LIN9: variants seen among roughly 807,000 people sequenced by gnomAD.
The protein encoded by LIN9 is protein lin-9 homolog.
In LIN9, 18 loss-of-function variants were observed where a neutral mutation model predicts 78.0. The ratio of observed to expected loss-of-function variants is 0.23; its 90% CI spans 0.16 to 0.34. LIN9 has a LOEUF of 0.34. Among genes scored for constraint, LIN9 ranks in the 10% least tolerant of loss-of-function variants. The probability of loss-of-function intolerance (pLI) is 1.00; values close to 1 mark genes in which losing one functional copy is unlikely to be tolerated. For missense variants in LIN9, 451 were observed against 644.1 expected (o/e 0.70, Z 3.25); for synonymous variants, 192 against 215.2 (o/e 0.89, Z 0.94).
intron 3 of LIN9, 22 bp downstream of exon 3, chr1:226,297,697 G>A: frequency 8.2e-6 from 12 of 1,464,696 alleles, no homozygotes; most frequent in South Asian, 1.3e-5. Flanking sequence ...ATTCTAAAAT[G>A]TAAGAAAAAC....
chr1:226,302,547 C>CA (rs750572116), intron 1 of LIN9, among the ~76,000 whole-genome samples: 21,654 of 78,508 alleles, frequency 0.28, 1,793 homozygotes, highest in South Asian at 0.38. Context: ...ACTCCATGTC[C>CA]AAAAAAAAAA....
intron 1 of LIN9, among the ~76,000 whole-genome samples, chr1:226,308,420 T>C (rs1193596288): frequency 6.6e-6 from 1 of 151,982 alleles, no homozygotes; most frequent in Non-Finnish European, 1.5e-5. Context: ...TTAAGACACA[T>C]ATAGAATAAA....
intron 4 of LIN9, among the ~76,000 whole-genome samples, chr1:226,294,418 T>A (rs1219344133): frequency 1.3e-5 from 2 of 151,622 alleles, no homozygotes; most frequent in Non-Finnish European, 2.9e-5. Context: ...CCATCTCTAC[T>A]AAAAATACAA....
At chr1:226,308,014 A>C (rs906529410) in intron 1 of LIN9, among the ~76,000 whole-genome samples, 8 of 152,218 alleles carry the variant, frequency 5.3e-5, no homozygotes, top group Non-Finnish European at 1.0e-4. Flanking sequence ...CTAAGAACAC[A>C]TGACCTCACA....
chr1:226,272,046 CTTAACTTT>C (rs2102926793), intron 7 of LIN9, among the ~76,000 whole-genome samples: 1 of 142,494 alleles, frequency 7.0e-6, no homozygotes, highest in African/African-American at 2.7e-5. Context: ...TTCTCATTAT[CTTAACTTT>C]TTTTTTTTTT....
At chr1:226,245,338 A>G (rs1658402780) in intron 11 of LIN9, among the ~76,000 whole-genome samples, 1 of 152,180 alleles carries the variant, frequency 6.6e-6, no homozygotes, top group Non-Finnish European at 1.5e-5. Flanking sequence ...GTACTAATTT[A>G]TGTGTAAGAA....
At position 226,286,431 on chromosome 1, in the gene LIN9, G is replaced by A. The variant is rs10799347; in HGVS notation, c.426C>T (p.Phe142=). 0.69 allele frequency: 1,097,278 copies of A among 1,593,296 alleles called. 379,653 individuals carry two copies. Among genetic ancestry groups the A allele is most frequent in the Admixed American group, 0.75 (44,011 of 58,390 alleles). The part of the protein sequence containing the change: ...DKPLFEGDND[F]CVCLKESFPN... The stretch of plus-strand genomic sequence containing the variant: ...GAAAAGATTCCTTTAGACATACACA[G>A]AAGTCATTATCACCTTCAAAAAGTG... Residue 142 remains phenylalanine (F), a synonymous_variant, in exon 6 of 15, where the codon TTC becomes TTT. Coordinates refer to ENST00000681046, the MANE Select transcript of LIN9 (RefSeq NM_001366245.2).
chr1:226,268,763 T>A (rs532549353), intron 7 of LIN9, among the ~76,000 whole-genome samples: 4 of 152,220 alleles, frequency 2.6e-5, no homozygotes, highest in Admixed American at 1.3e-4. Context: ...ACAACACTTA[T>A]AAGCATTGTG....
intron 1 of LIN9, among the ~76,000 whole-genome samples, chr1:226,305,569 T>G (rs1001659119): frequency 1.6e-5 from 2 of 124,884 alleles, no homozygotes; most frequent in African/African-American, 3.2e-5. Flanking sequence ...TGAAGAAGCA[T>G]AAAATGGGAT....
intron 3 of LIN9, 31 bp from the exon 4 acceptor site, chr1:226,295,977 A>AC: frequency 6.8e-7 from 1 of 1,468,844 alleles, no homozygotes; most frequent in Non-Finnish European, 9.5e-7. Context: ...TTTAATGAAA[A>AC]AGCCGAACCC....
chr1:226,237,549 T>G (rs1657795953), intron 12 of LIN9, among the ~76,000 whole-genome samples: 1 of 151,170 alleles, frequency 6.6e-6, no homozygotes, highest in African/African-American at 2.4e-5. Context: ...GGAGAATCAC[T>G]TGAACCTGGG....
chr1:226,249,944 T>A (rs771080514), intron 11 of LIN9, among the ~76,000 whole-genome samples: 4 of 152,048 alleles, frequency 2.6e-5, no homozygotes, highest in Admixed American at 1.3e-4. Context: ...CCGAGGTGGG[T>A]GGATCACCTG....
intron 12 of LIN9, among the ~76,000 whole-genome samples, chr1:226,236,506 A>G (rs186396522): frequency 1.4e-4 from 22 of 152,084 alleles, no homozygotes; most frequent in African/African-American, 4.8e-4. Flanking sequence ...CCCAGGCTGG[A>G]GTGCAATGGC....
intron 4 of LIN9, among the ~76,000 whole-genome samples, chr1:226,293,395 G>A (rs1298599655): frequency 6.6e-6 from 1 of 152,280 alleles, no homozygotes; most frequent in South Asian, 2.1e-4. Context: ...ATAAAGATCA[G>A]TTTTCTGTAT....
rs749383150 is a variant in LIN9, at chr1:226,232,460, A to G, written c.*41T>C. 1 of 1,359,500 alleles carries G rather than the reference A, an allele frequency of 7.4e-7. No homozygotes were observed. The highest frequency in any genetic ancestry group is 1.9e-5 in the Admixed American group (1 of 53,220). 84.2% of individuals were successfully genotyped at this position (1,359,500 alleles called of 1,614,324 possible). A position where few individuals can be genotyped will look rare whatever the true frequency, so the allele number is the denominator to read the frequency against. On this transcript the variant is annotated 3_prime_UTR_variant, in exon 15 of 15. Transcript: ENST00000681046. Reference sequence around the variant, plus strand: ...CCTATATAAAGGAAAAGAACTTCTCAAAAACAATGTCCCGTGCAGTTGGAA... The same window carrying G: ...CCTATATAAAGGAAAAGAACTTCTCGAAAACAATGTCCCGTGCAGTTGGAA...
intron 3 of LIN9, among the ~76,000 whole-genome samples, chr1:226,296,950 G>A (rs1662191247): frequency 1.3e-5 from 2 of 152,112 alleles, no homozygotes; most frequent in Admixed American, 1.3e-4. Flanking sequence ...CTTGAGCCTG[G>A]GAGTTCCTGA....
intron 6 of LIN9, among the ~76,000 whole-genome samples, chr1:226,280,127 T>A (rs1306265914): frequency 2.0e-5 from 3 of 152,258 alleles, no homozygotes; most frequent in African/African-American, 4.8e-5. Flanking sequence ...TTCTAGAGCC[T>A]ATCTTCCTTC....
chr1:226,309,073 C>T (rs1488741224), intron 1 of LIN9, 36 bp downstream of exon 1: 7 of 1,307,630 alleles, frequency 5.4e-6, no homozygotes, highest in Non-Finnish European at 9.8e-7. Context: ...AAGCAGCAGG[C>T]GGGAAAAGGG....
At chr1:226,237,755 C>T (rs918990320) in intron 12 of LIN9, among the ~76,000 whole-genome samples, 2 of 151,742 alleles carry the variant, frequency 1.3e-5, no homozygotes, top group African/African-American at 4.8e-5. Context: ...CGAGACCAGC[C>T]TGGCCTATAA....
Sources: allele counts gnomAD v4.1 joint callset (sites outside exome capture counted in the v4.1 genomes callset), GRCh38; gene constraint gnomAD v4.1.1; transcripts MANE v1.5; gene names NCBI Gene and HGNC (gene_info 2026-07-23, HGNC 2026-07-21).